The following MYOM1 variants were observed in gnomAD, a reference collection of about 807,000 sequenced individuals.
MYOM1 encodes the protein myomesin-1.
In MYOM1, 164 loss-of-function variants were observed where a neutral mutation model predicts 205.3. The observed-to-expected ratio is 0.80, with a 90% CI of 0.70 to 0.91. The LOEUF (loss-of-function observed/expected upper bound fraction) is 0.91, where lower values mean the gene tolerates loss of function less well. Among genes scored for constraint, MYOM1 ranks in the 40% least tolerant of loss-of-function variants. MYOM1 has a pLI of 0.00. For synonymous variants in MYOM1, 772 were observed against 789.4 expected (o/e 0.98, Z 0.37); for missense variants, 2,011 against 2,127.3 (o/e 0.95, Z 1.08).
chr18:3,168,351 C>T (rs553248874), intron 9 of MYOM1, among the ~76,000 whole-genome samples: 8 of 152,206 alleles, frequency 5.3e-5, no homozygotes, highest in Non-Finnish European at 1.2e-4. Flanking sequence ...TGCAATGGCG[C>T]CATCTCCACT....
intron 18 of MYOM1, among the ~76,000 whole-genome samples, chr18:3,128,154 A>G (rs1305260728): frequency 3.3e-5 from 5 of 152,226 alleles, no homozygotes; most frequent in African/African-American, 1.2e-4. Context: ...AATAAAATAC[A>G]TTTATCTCTT....
chr18:3,210,434 G>C (rs1165454290), intron 2 of MYOM1, among the ~76,000 whole-genome samples: 2 of 152,132 alleles, frequency 1.3e-5, no homozygotes, highest in Non-Finnish European at 2.9e-5. Flanking sequence ...TTTAAAGTTA[G>C]GGTGCCCAGG....
At chr18:3,072,358 T>TTTTTTTTTTTC (rs1194897326) in intron 36 of MYOM1, among the ~76,000 whole-genome samples, 1 of 126,548 alleles carries the variant, frequency 7.9e-6, no homozygotes, top group African/African-American at 3.3e-5. Flanking sequence ...GGCTTTTTTT[T>TTTTTTTTTTTC]TTTTTTTTTT....
At chr18:3,169,981 C>T (rs2080532826) in intron 8 of MYOM1, among the ~76,000 whole-genome samples, 1 of 152,108 alleles carries the variant, frequency 6.6e-6, no homozygotes, top group Admixed American at 6.6e-5. Context: ...AGATTGAAAT[C>T]CTGTCATTTG....
chr18:3,205,961 G>C (rs1352831414), intron 2 of MYOM1, among the ~76,000 whole-genome samples: 1 of 152,172 alleles, frequency 6.6e-6, no homozygotes, highest in Non-Finnish European at 1.5e-5. Flanking sequence ...TCTTCTGAGA[G>C]CTTTACGGTC....
At position 3,156,021 on chromosome 18, in the gene MYOM1, T is replaced by C. The variant is rs1268427411; in HGVS notation, c.1502-933A>G. Among the ~76,000 whole-genome samples, 6 of 152,244 alleles carry C rather than the reference T, an allele frequency of 3.9e-5. No individual in the cohort carries two copies. In the South Asian group the frequency reaches 8.3e-4, roughly 21 times the overall value. On this transcript the variant is annotated intron_variant, in intron 10 of 37. Transcript: ENST00000356443. ...CAGGAAACACTACAATCCCTTTTTATGAAATGGGATCCCCTGACCACACGG... is the reference window on the plus strand; with the variant it reads ...CAGGAAACACTACAATCCCTTTTTACGAAATGGGATCCCCTGACCACACGG...
intron 34 of MYOM1, among the ~76,000 whole-genome samples, chr18:3,078,869 A>C (rs2079050552): frequency 1.3e-5 from 2 of 151,376 alleles, no homozygotes; most frequent in African/African-American, 4.9e-5. Context: ...ATGGGGTTTC[A>C]CTATGTTGCT....
chr18:3,181,732 A>ATTTT (rs11448786), intron 5 of MYOM1, among the ~76,000 whole-genome samples: 66 of 127,042 alleles, frequency 5.2e-4, no homozygotes, highest in African/African-American at 1.6e-3. Context: ...AAACTGAATA[A>ATTTT]TTTTTTTTTT....
chr18:3,145,259 A>G (rs1378421691), intron 13 of MYOM1, among the ~76,000 whole-genome samples: 6 of 151,896 alleles, frequency 4.0e-5, no homozygotes, highest in African/African-American at 1.5e-4. Context: ...GCAGTGAGCC[A>G]ACATTGAGCT....
intron 37 of MYOM1, among the ~76,000 whole-genome samples, chr18:3,069,608 A>G (rs961808280): frequency 2.0e-5 from 3 of 152,274 alleles, no homozygotes; most frequent in Non-Finnish European, 2.9e-5. Flanking sequence ...AAACTTAATG[A>G]GCAGATTAGG....
rs1391678530 is a variant in MYOM1 at position 3,135,974 on chromosome 18, C to G, written c.2026-244G>C. On this transcript the variant is annotated intron_variant, in intron 14 of 37. Coordinates refer to ENST00000356443, the MANE Select transcript of MYOM1 (RefSeq NM_003803.4). This position sits in a 1 kb window ranked among gnomAD's most constrained non-coding sequence, Gnocchi z 4.1. ...CCAAATCTCATCTACAATTGTAGCT[C>G]CCATAATTCCCATGTGTGTGGGAGG... Among the ~76,000 whole-genome samples the G allele has an allele frequency of 6.6e-6, 1 of 152,140 alleles. No individual in the cohort carries two copies. Among genetic ancestry groups the G allele is most frequent in the Non-Finnish European group, 1.5e-5 (1 of 68,026 alleles).
chr18:3,100,683 G>A (rs1281086009), intron 23 of MYOM1, among the ~76,000 whole-genome samples: 1 of 152,126 alleles, frequency 6.6e-6, no homozygotes, highest in Non-Finnish European at 1.5e-5. Flanking sequence ...CCCAAGCTAT[G>A]TTGCTTATCA....
chr18:3,070,736 TTGTGTGTGTGTGTGTGTGTGTG>T (rs57044157), intron 37 of MYOM1, among the ~76,000 whole-genome samples: 38 of 146,208 alleles, frequency 2.6e-4, no homozygotes, highest in African/African-American at 9.3e-4. Flanking sequence ...TGCATGTTCT[TTGTGTGTGTGTGTGTGTGTGTG>T]TGTGTGTGTG....
chr18:3,159,415 GT>G (rs1291712686), intron 10 of MYOM1, among the ~76,000 whole-genome samples: 1 of 152,008 alleles, frequency 6.6e-6, no homozygotes, highest in Admixed American at 6.6e-5. Context: ...TGAATACAAA[GT>G]TTTTTTAAAA....
At chr18:3,172,256 C>A (rs2080568779) in intron 8 of MYOM1, among the ~76,000 whole-genome samples, 1 of 152,192 alleles carries the variant, frequency 6.6e-6, no homozygotes, top group South Asian at 2.1e-4. Context: ...AATATAAGCA[C>A]TCTGTTTTCT....
chr18:3,215,792 T>C (rs1048732879), intron 1 of MYOM1, among the ~76,000 whole-genome samples: 1 of 152,142 alleles, frequency 6.6e-6, no homozygotes, highest in Non-Finnish European at 1.5e-5. Flanking sequence ...AAAGTTTTTC[T>C]ACCCTGGCTA....
At chr18:3,192,232 C>A (rs1469524657) in intron 3 of MYOM1, among the ~76,000 whole-genome samples, 1 of 152,104 alleles carries the variant, frequency 6.6e-6, no homozygotes, top group East Asian at 1.9e-4. Flanking sequence ...TTTTACCGCT[C>A]TAGCCTACCA....
chr18:3,247,346 C>A, the MYOM1 span: 1 of 152,322 alleles, frequency 6.6e-6, no homozygotes, highest in African/African-American at 2.4e-5. Flanking sequence ...GAGACCCAGA[C>A]CCCGCGCGGG....
intron 2 of MYOM1, among the ~76,000 whole-genome samples, chr18:3,196,325 A>G (rs2080989827): frequency 6.6e-6 from 1 of 152,210 alleles, no homozygotes; most frequent in Non-Finnish European, 1.5e-5. Context: ...TTTCTAAAGG[A>G]GTTACATCGA....
Sources: gnomAD v4.1 joint callset for allele counts (sites outside exome capture counted in the v4.1 genomes callset) on GRCh38, gnomAD v4.1.1 for gene constraint, Gnocchi (gnomAD v3.1) non-coding constraint, MANE v1.5 for transcripts, NCBI Gene and HGNC (gene_info 2026-07-23, HGNC 2026-07-21) for gene names.